Variants in TDRD3 observed in about 807,000 individuals in gnomAD.
TDRD3 encodes tudor domain-containing protein 3.
TDRD3 carries 45 observed loss-of-function variants against 86.7 expected under a neutral mutation model. The observed-to-expected ratio is 0.52, with a 90% confidence interval of 0.41 to 0.67. The LOEUF is 0.67. Among genes scored for constraint, TDRD3 ranks in the 30% least tolerant of loss-of-function variants. TDRD3 has a pLI of 0.00. For synonymous variants in TDRD3, 298 were observed against 301.7 expected, an observed-to-expected ratio of 0.99 and a Z score of 0.13; for missense variants, 814 against 889.0, an observed-to-expected ratio of 0.92 and a Z score of 1.07.
chr13:60,490,518 A>T (rs952605260), intron 7 of TDRD3, among the ~76,000 whole-genome samples: 2 of 152,194 alleles, frequency 1.3e-5, no homozygotes, highest in East Asian at 1.9e-4. Context: ...TTGTAAAGAC[A>T]TTGTACTTCA....
At chr13:60,400,083 G>C (rs1954052455) in intron 1 of TDRD3, among the ~76,000 whole-genome samples, 1 of 152,180 alleles carries the variant, frequency 6.6e-6, no homozygotes, top group Non-Finnish European at 1.5e-5. Context: ...ATTTGAACTT[G>C]AATGTTCCAG....
intron 5 of TDRD3, among the ~76,000 whole-genome samples, chr13:60,482,038 A>G (rs1383248131): frequency 6.6e-6 from 1 of 152,156 alleles, no homozygotes; most frequent in Non-Finnish European, 1.5e-5. Flanking sequence ...TTTAGTCTGC[A>G]TGGTCTGATC....
intron 12 of TDRD3, chr13:60,537,621 G>A (rs2137827246): frequency 6.6e-6 from 1 of 152,116 alleles, no homozygotes; most frequent in Non-Finnish European, 1.5e-5. Flanking sequence ...GTACCAATAA[G>A]AAGGTAACTG....
intron 3 of TDRD3, among the ~76,000 whole-genome samples, chr13:60,446,579 G>A (rs1462222427): frequency 1.3e-5 from 2 of 151,894 alleles, no homozygotes; most frequent in Non-Finnish European, 2.9e-5. Flanking sequence ...TATTCTCACA[G>A]AATTAATAAT....
In TDRD3 at chr13:60,531,602, C is replaced by G. The variant is rs147450829; in HGVS notation, c.1992+2385C>G. On this transcript the variant is annotated intron_variant, in intron 11 of 13. Transcript: ENST00000377881. Reference sequence around the variant, plus strand: ...AGCCTTGGTAAGTGACTCAGGCTTTCCATTGAAATCCCACAAAGATCATAC... The same window carrying G: ...AGCCTTGGTAAGTGACTCAGGCTTTGCATTGAAATCCCACAAAGATCATAC... 9.1e-4 allele frequency among the ~76,000 whole-genome samples: 139 copies of G among 152,234 alleles called. 1 individual carries two copies. The East Asian group carries it at 0.02, about 21-fold the overall frequency.
intron 3 of TDRD3, among the ~76,000 whole-genome samples, chr13:60,454,692 A>G (rs967632973): frequency 2.0e-5 from 3 of 152,192 alleles, no homozygotes; most frequent in Non-Finnish European, 4.4e-5. Flanking sequence ...CCAGAAGCAA[A>G]CATCTTCTTT....
chr13:60,402,217 T>C (rs902256838), intron 1 of TDRD3, among the ~76,000 whole-genome samples: 2 of 152,212 alleles, frequency 1.3e-5, no homozygotes, highest in African/African-American at 4.8e-5. Context: ...GCTGTGCCTT[T>C]GTTTGTTTGG....
intron 10 of TDRD3, among the ~76,000 whole-genome samples, chr13:60,515,779 T>C (rs1385617871): frequency 6.6e-6 from 1 of 152,230 alleles, no homozygotes; most frequent in African/African-American, 2.4e-5. Context: ...TATTTTTAAT[T>C]GGAGTTAAAG....
intron 5 of TDRD3, among the ~76,000 whole-genome samples, chr13:60,478,291 ATTTTTTTTTTTT>A (rs34449105): frequency 5.4e-5 from 4 of 74,330 alleles, no homozygotes; most frequent in East Asian, 2.9e-4. Flanking sequence ...CAGTCTACCA[ATTTTTTTTTTTT>A]TTTTTTTTTT....
At chr13:60,531,161 G>A (rs902948551) in intron 11 of TDRD3, among the ~76,000 whole-genome samples, 1 of 152,182 alleles carries the variant, frequency 6.6e-6, no homozygotes, top group East Asian at 1.9e-4. Context: ...CTCTGGAAAA[G>A]CAAAAGCCTT....
chr13:60,540,546 G>A (rs17189293), intron 12 of TDRD3, among the ~76,000 whole-genome samples: 12,480 of 152,054 alleles, frequency 0.082, 561 homozygotes, highest in African/African-American at 0.11. Flanking sequence ...AAATTCGTTC[G>A]TATCTAACTC....
intron 12 of TDRD3, chr13:60,547,209 C>T (rs1957958152): frequency 1.0e-6 from 1 of 982,346 alleles, no homozygotes; most frequent in Admixed American, 6.2e-5. Context: ...AATCTCATGA[C>T]ATTGTTCACC....
At chr13:60,505,586 A>G (rs1363108135) in intron 8 of TDRD3, among the ~76,000 whole-genome samples, 1 of 152,164 alleles carries the variant, frequency 6.6e-6, no homozygotes, top group Admixed American at 6.5e-5. Context: ...GTGCTTCTTA[A>G]CTAAAGGAGC....
At chr13:60,474,729 C>T (rs1376732773) in intron 5 of TDRD3, among the ~76,000 whole-genome samples, 1 of 152,112 alleles carries the variant, frequency 6.6e-6, no homozygotes, top group Non-Finnish European at 1.5e-5. Context: ...GTTTTTAAAA[C>T]AATGAAACAA....
intron 7 of TDRD3, among the ~76,000 whole-genome samples, chr13:60,489,493 G>A: frequency 6.6e-6 from 1 of 152,186 alleles, no homozygotes. Flanking sequence ...GGAATCACAG[G>A]CTGGAAGCAT....
chr13:60,461,496 G>T (rs1334599590), intron 4 of TDRD3, among the ~76,000 whole-genome samples: 1 of 152,068 alleles, frequency 6.6e-6, no homozygotes, highest in East Asian at 1.9e-4. Flanking sequence ...CTAGACATTT[G>T]CAGCCCTCCT....
chr13:60,460,606 T>A, intron 4 of TDRD3, 66 bp downstream of exon 4: 1 of 1,417,260 alleles, frequency 7.1e-7, no homozygotes, highest in Non-Finnish European at 9.3e-7. Context: ...TTGGAATAAC[T>A]TAAGAATTTT....
chr13:60,561,280 A>C (rs1051170833), intron 12 of TDRD3, among the ~76,000 whole-genome samples: 3 of 152,166 alleles, frequency 2.0e-5, no homozygotes, highest in East Asian at 3.9e-4. Context: ...CTGTGATAGA[A>C]GGCAAAGGGA....
At chr13:60,476,904 T>C (rs1956197324) in intron 5 of TDRD3, among the ~76,000 whole-genome samples, 1 of 152,328 alleles carries the variant, frequency 6.6e-6, no homozygotes, top group South Asian at 2.1e-4. Context: ...ATTGATTTTG[T>C]ATGCTGAAAC....
Sources: gnomAD v4.1 joint callset for allele counts (sites outside exome capture counted in the v4.1 genomes callset) on GRCh38, gnomAD v4.1.1 for gene constraint, MANE v1.5 for transcripts, NCBI Gene and HGNC (gene_info 2026-07-23, HGNC 2026-07-21) for gene names.